Variants in GLI4 observed in about 807,000 individuals in gnomAD.
The protein encoded by GLI4 is GLI family zinc finger 4, also known as zinc finger protein GLI4.
GLI4 carries 34 observed loss-of-function variants against 30.9 expected under a neutral mutation model. That is an observed-to-expected ratio of 1.10 (90% confidence interval 0.84 to 1.47). The LOEUF is 1.47. Among genes scored for constraint, GLI4 ranks in the 40% most tolerant of loss-of-function variants. The pLI is 0.00. For missense variants in GLI4, 696 were observed against 538.9 expected, an observed-to-expected ratio of 1.29 and a Z score of -2.89; for synonymous variants, 277 against 236.7, an observed-to-expected ratio of 1.17 and a Z score of -1.56.
intron 3 of GLI4, chr8:143,275,015 C>G: frequency 6.6e-7 from 1 of 1,516,962 alleles, no homozygotes; most frequent in Non-Finnish European, 8.8e-7. Context: ...TGACTGCAGC[C>G]CACAGCCACC....
At chr8:143,269,564 GC>G (rs1253630851) in intron 2 of GLI4, 44 bp downstream of exon 2, 2 of 1,537,504 alleles carry the variant, frequency 1.3e-6, no homozygotes, top group Non-Finnish European at 1.8e-6. Context: ...TGCATCCCCT[GC>G]CCTCACGTCC....
chr8:143,276,035 C>T lies in GLI4; in HGVS notation c.362C>T (p.Ser121Phe). Residue 121 changes from serine (S) to phenylalanine (F), a missense_variant, in exon 4 of 4, where the codon TCC (serine) becomes TTC (phenylalanine). Ser to Phe is a radical substitution (Grantham distance 155). Coordinates refer to ENST00000340042, the MANE Select transcript of GLI4 (RefSeq NM_138465.4). ...TGCAGCGCCGGCTTCGGGCCTGAAT[C>T]CAGCGCGGAGCGGCCGGCGGGCCAG... is the stretch of plus-strand genomic sequence containing the variant. ...ARCSAGFGPE[S>F]SAERPAGQPP... is the part of the protein sequence containing the mutation. 7.2e-7 allele frequency: 1 copy of T among 1,389,428 alleles called. No homozygotes were observed. Among genetic ancestry groups the T allele is most frequent in the Non-Finnish European group, 9.3e-7 (1 of 1,075,266 alleles). 86.1% of individuals were successfully genotyped at this position (1,389,428 alleles called of 1,614,324 possible).
At chr8:143,275,237 T>C in intron 3 of GLI4, 2 of 1,529,888 alleles carry the variant, frequency 1.3e-6, no homozygotes, top group Admixed American at 4.0e-5. Context: ...CCAGGTCCCC[T>C]GCACCTCCCC....
In GLI4 at chr8:143,274,854, G is replaced by T. The variant is rs1246224362; in HGVS notation, c.223+52G>T. On this transcript the variant is annotated intron_variant, in intron 3 of 3. Coordinates refer to ENST00000340042, the MANE Select transcript of GLI4 (RefSeq NM_138465.4). Reference sequence around the variant, plus strand: ...GGGACCAGAGCTCTGCGCGTGCCAGGCTCCTCACAATGCCCACCTCTGTGG... The same window carrying T: ...GGGACCAGAGCTCTGCGCGTGCCAGTCTCCTCACAATGCCCACCTCTGTGG... 3 of 1,518,322 alleles carry T rather than the reference G, an allele frequency of 2.0e-6. No individual in the cohort carries two copies. In the African/African-American group the frequency reaches 4.1e-5, roughly 21 times the overall value. 94.1% of individuals were successfully genotyped at this position (1,518,322 alleles called of 1,614,324 possible). A position where few individuals can be genotyped will look rare whatever the true frequency, so the allele number is the denominator to read the frequency against.
In GLI4 at chr8:143,275,970, G is replaced by C; in HGVS notation, c.297G>C (p.Ala99=). ...SQAPDEGAGG[A]LRSLLRSLPR... is the part of the protein sequence containing the mutation. ...CCCCTGACGAGGGGGCGGGCGGGGCGCTGCGCAGCCTCCTGAGGAGCCTTC... is the reference window on the plus strand; with the variant it reads ...CCCCTGACGAGGGGGCGGGCGGGGCCCTGCGCAGCCTCCTGAGGAGCCTTC... Residue 99 remains alanine (A), a synonymous_variant, in exon 4 of 4, where the codon GCG becomes GCC. Transcript: ENST00000340042. 7.5e-7 allele frequency: 1 copy of C among 1,342,128 alleles called. No individual in the cohort carries two copies. The highest frequency in any genetic ancestry group is 1.5e-5 in the African/African-American group (1 of 65,536). The allele number at this position is 1,342,128 out of a possible 1,614,324, so 83.1% of individuals were successfully genotyped here.
In GLI4 at chr8:143,274,708, C is replaced by T. The variant is rs530403764; in HGVS notation, c.129C>T (p.Ser43=). ...CCCAGCCTCCCTGACCCCCAGGCTC[C>T]CCTGGCTCCAGCCCTAAGGTGCTCT... ...QLHLHGHQHG[S]PGSSPKVLSQ... Residue 43 remains serine (S), a synonymous_variant, in exon 3 of 4, where the codon TCC becomes TCT. Coordinates refer to ENST00000340042, the MANE Select transcript of GLI4 (RefSeq NM_138465.4). 8.4e-6 allele frequency: 13 copies of T among 1,555,452 alleles called. No individual in the cohort carries two copies. The Admixed American group carries it at 1.5e-4, about 18-fold the overall frequency.
intron 1 of GLI4, chr8:143,268,134 G>C: frequency 1.0e-6 from 1 of 973,816 alleles, no homozygotes; most frequent in Non-Finnish European, 1.2e-6. Flanking sequence ...GTGACTTCAG[G>C]GTGGAGGACC....
chr8:143,275,445 C>G lies in GLI4; in HGVS notation c.224-452C>G, dbSNP rs1815362593. ...GGCATGGGAGCTGGGCGGCAGCACA[C>G]TTGCCACCGAGGCCTGGGGCAGCCC... On this transcript the variant is annotated intron_variant, in intron 3 of 3. Coordinates refer to ENST00000340042, the MANE Select transcript of GLI4 (RefSeq NM_138465.4). 19 of 1,365,034 alleles carry G rather than the reference C, an allele frequency of 1.4e-5. No individual in the cohort carries two copies. In the South Asian group the frequency reaches 3.7e-4, roughly 27 times the overall value. The allele number at this position is 1,365,034 out of a possible 1,614,324, so 84.6% of individuals were successfully genotyped here.
intron 3 of GLI4, 43 bp from the exon 4 acceptor site, chr8:143,275,854 G>A: frequency 8.0e-7 from 1 of 1,257,338 alleles, no homozygotes; most frequent in Non-Finnish European, 1.0e-6. Flanking sequence ...TGCCACGGTG[G>A]GGGCATGCGG....
chr8:143,275,182 C>T, intron 3 of GLI4: 1 of 1,535,766 alleles, frequency 6.5e-7, no homozygotes, highest in Non-Finnish European at 8.7e-7. Flanking sequence ...CCTCCTCCTC[C>T]TGCATCCCCT....
chr8:143,274,613 G>A, intron 2 of GLI4, 91 bp from the exon 3 acceptor site: 3 of 1,316,300 alleles, frequency 2.3e-6, no homozygotes, highest in Non-Finnish European at 3.1e-6. Flanking sequence ...TCCTGTGTCA[G>A]GGCCACAGCC....
rs1448075850 is a variant in GLI4, at chr8:143,275,279, A to T, written c.223+477A>T. Reference sequence around the variant, plus strand: ...AAGCTCCCAGGGTTCCCTCTGGGCGATGTTAGTGATATGGCTGGATTTAAC... The same window carrying T: ...AAGCTCCCAGGGTTCCCTCTGGGCGTTGTTAGTGATATGGCTGGATTTAAC... On this transcript the variant is annotated intron_variant, in intron 3 of 3. Coordinates refer to ENST00000340042, the MANE Select transcript of GLI4 (RefSeq NM_138465.4). 1.6e-5 allele frequency: 24 copies of T among 1,497,298 alleles called. No individual in the cohort carries two copies. The South Asian group carries it at 2.9e-4, about 18-fold the overall frequency. 92.8% of individuals were successfully genotyped at this position (1,497,298 alleles called of 1,614,324 possible). A position where few individuals can be genotyped will look rare whatever the true frequency, so the allele number is the denominator to read the frequency against.
At chr8:143,273,989 G>A (rs919695544) in intron 2 of GLI4, among the ~76,000 whole-genome samples, 10 of 152,166 alleles carry the variant, frequency 6.6e-5, no homozygotes, top group African/African-American at 2.2e-4. Flanking sequence ...TGGAGCCCAC[G>A]CCCCTCCCTT....
rs1163224926 is a variant in GLI4 at position 143,276,619 on chromosome 8, A to G, written c.946A>G (p.Ile316Val). 1.9e-6 allele frequency: 3 copies of G among 1,612,666 alleles called. No homozygotes were observed. Among genetic ancestry groups the G allele is most frequent in the Non-Finnish European group, 1.7e-6 (2 of 1,179,756 alleles). The change falls in exon 4 of 4, where the codon ATC becomes GTC. Residue 316 changes from isoleucine (I) to valine (V), a missense_variant. Physicochemically the swap from Ile to Val is conservative, Grantham distance 29. Coordinates refer to ENST00000340042, the MANE Select transcript of GLI4 (RefSeq NM_138465.4). The stretch of plus-strand genomic sequence containing the variant: ...CTCCGTGCTCATCGAGCACCAGCGC[A>G]TCCACACTGGCGAGAAGCCCTACGA... Reference protein sequence around the residue: ...WSSVLIEHQRIHTGEKPYECS... With the variant: ...WSSVLIEHQRVHTGEKPYECS...
chr8:143,274,049 A>T (rs887319227), intron 2 of GLI4, among the ~76,000 whole-genome samples: 2 of 152,016 alleles, frequency 1.3e-5, no homozygotes, highest in African/African-American at 2.4e-5. Context: ...CCCTGCCCCC[A>T]CCAAGTCTTG....
At chr8:143,269,565 C>A (rs201915516) in intron 2 of GLI4, 45 bp downstream of exon 2, 22 of 1,503,522 alleles carry the variant, frequency 1.5e-5, no homozygotes, top group Non-Finnish European at 5.5e-6. Flanking sequence ...GCATCCCCTG[C>A]CCTCACGTCC....
At position 143,276,807 on chromosome 8, in the gene GLI4, G is replaced by T. The variant is rs1389069179; in HGVS notation, c.*3G>T. The T allele has an allele frequency of 6.5e-7, 1 of 1,542,132 alleles. No individual in the cohort carries two copies. The highest frequency in any genetic ancestry group is 8.7e-7 in the Non-Finnish European group (1 of 1,145,762). ...AGCGGGTGCACTACCGCGAGTAGCC[G>T]GGCGGGGGCTCGGGGCTCGGCCTCC... On this transcript the variant is annotated 3_prime_UTR_variant, in exon 4 of 4. Coordinates refer to ENST00000340042, the MANE Select transcript of GLI4 (RefSeq NM_138465.4).
chr8:143,275,799 C>T (rs1280664823), intron 3 of GLI4, 98 bp from the exon 4 acceptor site: 1 of 1,243,954 alleles, frequency 8.0e-7, no homozygotes, highest in Non-Finnish European at 1.0e-6. Flanking sequence ...CCCCTCTAAG[C>T]CCCCCCGTCC....
intron 1 of GLI4, chr8:143,267,876 C>T (rs974642482): frequency 1.5e-5 from 15 of 985,338 alleles, no homozygotes; most frequent in East Asian, 2.3e-4. Flanking sequence ...GTGCCGAGCT[C>T]CCGGCGATTG....
Sources: gnomAD v4.1 joint callset for allele counts (sites outside exome capture counted in the v4.1 genomes callset) on GRCh38, gnomAD v4.1.1 for gene constraint, MANE v1.5 for transcripts, NCBI Gene and HGNC (gene_info 2026-07-23, HGNC 2026-07-21) for gene names.